CEP63: variants seen among roughly 807,000 people sequenced by gnomAD.
CEP63 encodes centrosomal protein 63.
Under a neutral mutation model 89.1 loss-of-function variants are expected in CEP63, and 84 were observed. The ratio of observed to expected loss-of-function variants is 0.94; its 90% confidence interval spans 0.79 to 1.13. The LOEUF (loss-of-function observed/expected upper bound fraction) is 1.13. Among genes scored for constraint, CEP63 ranks in the 50% most tolerant of loss-of-function variants. The probability of loss-of-function intolerance (pLI) is 0.00; values close to 1 mark genes in which losing one functional copy is unlikely to be tolerated. For missense variants in CEP63, 838 were observed against 813.3 expected (o/e 1.03, Z -0.37); for synonymous variants, 267 against 272.5 (o/e 0.98, Z 0.20).
the CEP63 span, among the ~76,000 whole-genome samples, chr3:134,644,072 G>A: frequency 5.9e-3 from 895 of 152,156 alleles, 11 homozygotes; most frequent in African/African-American, 0.021. Flanking sequence ...TGATTCACCC[G>A]CCTCAGCCTC....
chr3:134,696,027 C>T, the CEP63 span, among the ~76,000 whole-genome samples: 1 of 152,204 alleles, frequency 6.6e-6, no homozygotes, highest in African/African-American at 2.4e-5. Flanking sequence ...TTCTCCCTTG[C>T]CCATCAGACA....
At chr3:134,766,103 G>T in the CEP63 span, among the ~76,000 whole-genome samples, 3 of 152,324 alleles carry the variant, frequency 2.0e-5, no homozygotes, top group African/African-American at 4.8e-5. Context: ...AGGGTGCTCT[G>T]GTAGTGAAAA....
chr3:134,565,497 T>TA (rs1330327217), downstream of CEP63, among the ~76,000 whole-genome samples: 2 of 152,324 alleles, frequency 1.3e-5, no homozygotes, highest in East Asian at 3.9e-4. Flanking sequence ...CATGAGAACA[T>TA]ACGTTAAGCA....
the CEP63 span, among the ~76,000 whole-genome samples, chr3:134,666,226 C>T: frequency 1.3e-5 from 2 of 152,278 alleles, no homozygotes; most frequent in Non-Finnish European, 2.9e-5. Context: ...AGAAGCCACA[C>T]GGGATCACAG....
chr3:134,547,663 T>A (rs1953821051), intron 9 of CEP63, among the ~76,000 whole-genome samples, 191 bp downstream of exon 9: 1 of 137,266 alleles, frequency 7.3e-6, no homozygotes. Flanking sequence ...CAGACTGGAG[T>A]GCAATGGCAC....
At chr3:134,538,566 T>TATATATATATATATATGTATATATATA in intron 6 of CEP63, among the ~76,000 whole-genome samples, 1 of 144,048 alleles carries the variant, frequency 6.9e-6, no homozygotes, top group Admixed American at 7.1e-5. Context: ...TATATATATA[T>TATATATATATATATATGTATATATATA]TTTTTTAACA....
the CEP63 span, chr3:134,620,075 C>T: frequency 7.2e-5 from 11 of 152,274 alleles, no homozygotes; most frequent in African/African-American, 2.4e-4. Context: ...GACTAGGAGT[C>T]CACCTCGTGA....
chr3:134,534,186 C>T (rs367844035), intron 5 of CEP63, among the ~76,000 whole-genome samples: 12 of 152,284 alleles, frequency 7.9e-5, no homozygotes, highest in African/African-American at 2.9e-4. Flanking sequence ...TTCTCTCTGA[C>T]ATTACTCTTA....
At chr3:134,607,333 G>C in the CEP63 span, 399 of 985,538 alleles carry the variant, frequency 4.0e-4, no homozygotes, top group South Asian at 1.6e-3. Flanking sequence ...GGACAAGTCA[G>C]TTGGAACTAA....
At chr3:134,629,510 A>C in the CEP63 span, 1 of 781,362 alleles carries the variant, frequency 1.3e-6, no homozygotes, top group South Asian at 1.6e-5. Flanking sequence ...TTGCAGGCCC[A>C]TGTCACTCTT....
At chr3:134,716,696 G>C in the CEP63 span, among the ~76,000 whole-genome samples, 1 of 152,148 alleles carries the variant, frequency 6.6e-6, no homozygotes, top group Non-Finnish European at 1.5e-5. Flanking sequence ...AAACTCCTCT[G>C]TTGGTACTGT....
At chr3:134,584,974 T>TTTTTTTTTTTTTTTTTTTTTTTTTTTTG (rs1958451757) in intron 10 of CEP63, among the ~76,000 whole-genome samples, 1 of 149,470 alleles carries the variant, frequency 6.7e-6, no homozygotes, top group Non-Finnish European at 1.5e-5. Flanking sequence ...TTTTTTTTTT[T>TTTTTTTTTTTTTTTTTTTTTTTTTTTTG]GCATGGAGGT....
At chr3:134,531,783 A>G (rs1304764194) in intron 3 of CEP63, 62 bp from the exon 4 acceptor site, 5 of 1,167,620 alleles carry the variant, frequency 4.3e-6, no homozygotes, top group South Asian at 2.5e-5. Flanking sequence ...TTCTATTTTT[A>G]TATCTCAGGG....
At chr3:134,535,838 G>A (rs1041793990) in intron 5 of CEP63, 1 of 152,160 alleles carries the variant, frequency 6.6e-6, no homozygotes, top group Non-Finnish European at 1.5e-5. Flanking sequence ...GAATGATTCT[G>A]CTGTAATGTA....
downstream of CEP63, among the ~76,000 whole-genome samples, chr3:134,590,017 G>T (rs1294969348): frequency 6.6e-6 from 1 of 152,156 alleles, no homozygotes; most frequent in Non-Finnish European, 1.5e-5. Flanking sequence ...AATATCACAT[G>T]TTATCACTTA....
At chr3:134,595,997 C>T in the CEP63 span, among the ~76,000 whole-genome samples, 20 of 128,114 alleles carry the variant, frequency 1.6e-4, no homozygotes, top group South Asian at 2.4e-4. Context: ...AGCTCTTTCC[C>T]GAGAAAACAG....
chr3:134,730,729 G>A, the CEP63 span, among the ~76,000 whole-genome samples: 10 of 151,764 alleles, frequency 6.6e-5, no homozygotes, highest in Non-Finnish European at 1.3e-4. Context: ...CATGGTAAAT[G>A]TGCTTTATAA....
At chr3:134,519,777 T>C (rs2062032730) in intron 3 of CEP63, among the ~76,000 whole-genome samples, 2 of 152,204 alleles carry the variant, frequency 1.3e-5, no homozygotes, top group South Asian at 4.1e-4. Flanking sequence ...CTGGGTTGTT[T>C]CAACATTCAT....
the CEP63 span, among the ~76,000 whole-genome samples, chr3:134,778,119 C>T: frequency 0.12 from 16,911 of 138,498 alleles, 1,582 homozygotes; most frequent in South Asian, 0.32. Context: ...TTTTTTGAGA[C>T]GGAGTTTCCC....
Sources: gnomAD v4.1 joint callset for allele counts (sites outside exome capture counted in the v4.1 genomes callset) on GRCh38, gnomAD v4.1.1 for gene constraint, MANE v1.5 for transcripts, NCBI Gene and HGNC (gene_info 2026-07-23, HGNC 2026-07-21) for gene names.